Variants in TLK1 observed in about 807,000 individuals in gnomAD.
TLK1 encodes serine/threonine-protein kinase tousled-like 1.
TLK1 carries 24 observed loss-of-function variants against 105.3 expected under a neutral mutation model. The observed-to-expected ratio is 0.23, with a 90% CI of 0.17 to 0.32. The LOEUF is 0.32. TLK1 is among the 10% of genes least tolerant of loss of function. The pLI, the probability that TLK1 is intolerant of heterozygous loss-of-function variation, is 1.00. For synonymous variants in TLK1, 321 were observed against 310.4 expected, an observed-to-expected ratio of 1.03 and a Z score of -0.36; for missense variants, 558 against 910.5, an observed-to-expected ratio of 0.61 and a Z score of 4.98.
chr2:171,108,019 C>T (rs189274475), intron 2 of TLK1, among the ~76,000 whole-genome samples: 44 of 150,912 alleles, frequency 2.9e-4, no homozygotes, highest in African/African-American at 9.8e-4. Flanking sequence ...ATTGCGTCAC[C>T]GTACTCCAGC....
chr2:171,022,082 G>A (rs868792023), intron 12 of TLK1, among the ~76,000 whole-genome samples: 3 of 28,558 alleles, frequency 1.1e-4, no homozygotes, highest in Admixed American at 5.2e-4. Context: ...CAGCCTGGGC[G>A]AAAAACACAC....
intron 3 of TLK1, among the ~76,000 whole-genome samples, chr2:171,067,729 A>T (rs932081074): frequency 6.6e-6 from 1 of 152,080 alleles, no homozygotes; most frequent in Non-Finnish European, 1.5e-5. Context: ...TGTCATCTAC[A>T]TCAGGTATTT....
intron 2 of TLK1, among the ~76,000 whole-genome samples, chr2:171,086,012 T>C (rs541798770): frequency 1.3e-5 from 2 of 152,286 alleles, no homozygotes; most frequent in African/African-American, 4.8e-5. Flanking sequence ...GTAAAATAAT[T>C]AAGGGATATC....
intron 1 of TLK1, among the ~76,000 whole-genome samples, chr2:171,158,480 T>G (rs1466901593): frequency 2.0e-5 from 3 of 152,232 alleles, no homozygotes; most frequent in Non-Finnish European, 4.4e-5. Flanking sequence ...CTAGATGTTT[T>G]GTCTCCCAAA....
At chr2:171,104,312 GAACA>G (rs1272122171) in intron 2 of TLK1, among the ~76,000 whole-genome samples, 1 of 149,402 alleles carries the variant, frequency 6.7e-6, no homozygotes, top group East Asian at 1.9e-4. Context: ...CAAGAACTAA[GAACA>G]AACAAACAAA....
intron 1 of TLK1, among the ~76,000 whole-genome samples, chr2:171,168,893 C>T (rs1462985518): frequency 2.0e-5 from 3 of 152,060 alleles, no homozygotes; most frequent in African/African-American, 7.2e-5. Context: ...CCAGCCTGGC[C>T]AACATGGTGA....
chr2:171,070,183 A>T (rs574643050), intron 3 of TLK1, among the ~76,000 whole-genome samples: 3 of 147,146 alleles, frequency 2.0e-5, no homozygotes, highest in East Asian at 3.9e-4. Flanking sequence ...TCCTTTTTAA[A>T]TTTTTTTTTT....
At chr2:171,023,630 T>C (rs551015900) in intron 12 of TLK1, among the ~76,000 whole-genome samples, 13 of 152,330 alleles carry the variant, frequency 8.5e-5, no homozygotes, top group Non-Finnish European at 1.3e-4. Flanking sequence ...GTAACAGCAG[T>C]CTCAAGACAT....
At chr2:171,180,764 C>T (rs1692914038) in intron 1 of TLK1, among the ~76,000 whole-genome samples, 1 of 149,584 alleles carries the variant, frequency 6.7e-6, no homozygotes, top group Admixed American at 6.7e-5. Context: ...GTAAATTCTG[C>T]AAATGAGTCA....
intron 18 of TLK1, among the ~76,000 whole-genome samples, chr2:171,000,255 G>GT (rs1239385375): frequency 2.6e-5 from 4 of 151,548 alleles, no homozygotes; most frequent in Admixed American, 6.6e-5. Context: ...GCGGGCACCT[G>GT]TAATCCCAAC....
intron 1 of TLK1, among the ~76,000 whole-genome samples, chr2:171,184,590 A>G (rs1692988597): frequency 6.6e-6 from 1 of 150,662 alleles, no homozygotes; most frequent in Non-Finnish European, 1.5e-5. Context: ...TGCGGTGAGC[A>G]GAGATCACGC....
chr2:171,222,411 T>C (rs4667676), intron 1 of TLK1, among the ~76,000 whole-genome samples: 42,104 of 151,978 alleles, frequency 0.28, 6,316 homozygotes, highest in South Asian at 0.45. Context: ...CTCCCTGCAG[T>C]GTTGACATCC....
chr2:171,133,095 G>A (rs374211520), intron 1 of TLK1, among the ~76,000 whole-genome samples: 2 of 152,112 alleles, frequency 1.3e-5, no homozygotes, highest in African/African-American at 4.8e-5. Flanking sequence ...AAATAAAAGG[G>A]ACACAAGCTG....
At chr2:171,122,200 G>C (rs907311160) in intron 1 of TLK1, among the ~76,000 whole-genome samples, 1 of 152,138 alleles carries the variant, frequency 6.6e-6, no homozygotes, top group African/African-American at 2.4e-5. Flanking sequence ...TCTTGACCTC[G>C]TGAATTACAC....
chr2:171,034,938 C>T (rs538149235), intron 11 of TLK1, among the ~76,000 whole-genome samples: 5 of 152,096 alleles, frequency 3.3e-5, no homozygotes, highest in Admixed American at 1.3e-4. Flanking sequence ...TGAATTCCCA[C>T]GTGTTGTGGG....
chr2:171,187,293 A>G (rs16859206), intron 1 of TLK1, among the ~76,000 whole-genome samples: 30,838 of 151,946 alleles, frequency 0.2, 5,083 homozygotes, highest in African/African-American at 0.44. Context: ...ATTATCCTAG[A>G]AAATAGACAT....
Position 171,046,335 on chromosome 2 carries a change from C to T in TLK1, c.1008G>A (p.Arg336=). The part of the protein sequence containing the change: ...VKQQEWVNQQ[R]EDIERQRKLL... Reference sequence around the variant, plus strand: ...GTTTCCTTTGCCTTTCAATATCTTCCCTTTGCTGATTCACCCATTCTTGTT... The same window carrying T: ...GTTTCCTTTGCCTTTCAATATCTTCTCTTTGCTGATTCACCCATTCTTGTT... Residue 336 remains arginine, a synonymous_variant, in exon 11 of 21, where the codon AGG becomes AGA. Transcript: ENST00000431350. 1.9e-6 allele frequency: 3 copies of T among 1,609,158 alleles called. No homozygotes were observed. The highest frequency in any genetic ancestry group is 2.5e-6 in the Non-Finnish European group (3 of 1,178,032).
chr2:171,160,644 G>T lies in TLK1; in HGVS notation c.-216C>A. On this transcript the variant is annotated 5_prime_UTR_variant, in exon 1 of 21. Transcript: ENST00000431350. The surrounding 1 kb of genome is among the most constrained non-coding windows in gnomAD (Gnocchi z 4.4). The stretch of plus-strand genomic sequence containing the variant: ...GAGAGGGGACAGGGAGGAGGGAAAG[G>T]GGGAGAAGCGAGGGAGCGAGCGGGC... 1.4e-6 allele frequency: 1 copy of T among 691,886 alleles called. No homozygotes were observed. The highest frequency in any genetic ancestry group is 2.2e-6 in the Non-Finnish European group (1 of 450,684). 42.9% of individuals were successfully genotyped at this position (691,886 alleles called of 1,614,324 possible). A position where few individuals can be genotyped will look rare whatever the true frequency, so the allele number is the denominator to read the frequency against.
chr2:171,146,552 T>C (rs1691799444), intron 1 of TLK1, among the ~76,000 whole-genome samples: 1 of 152,154 alleles, frequency 6.6e-6, no homozygotes, highest in African/African-American at 2.4e-5. Flanking sequence ...TTTCATCAAA[T>C]GTAACAAGAA....
Sources: gnomAD v4.1 joint callset for allele counts (sites outside exome capture counted in the v4.1 genomes callset) on GRCh38, gnomAD v4.1.1 for gene constraint, Gnocchi (gnomAD v3.1) non-coding constraint, MANE v1.5 for transcripts, NCBI Gene and HGNC (gene_info 2026-07-23, HGNC 2026-07-21) for gene names.